Variants in SIRT4 observed in about 807,000 individuals in gnomAD.
SIRT4 encodes NAD-dependent protein lipoamidase sirtuin-4, mitochondrial.
In SIRT4, 23 loss-of-function variants were observed where a neutral mutation model predicts 26.1. The observed-to-expected ratio is 0.88, with a 90% confidence interval of 0.63 to 1.25. SIRT4 has a LOEUF of 1.25. Ranked by LOEUF, SIRT4 falls within the 50% of genes most tolerant of loss-of-function variation. SIRT4 has a pLI of 0.00. For synonymous variants in SIRT4, 155 were observed against 158.4 expected, an observed-to-expected ratio of 0.98 and a Z score of 0.16; for missense variants, 361 against 405.4, an observed-to-expected ratio of 0.89 and a Z score of 0.94.
chr12:120,312,306 TAGAA>T (rs1873010604), intron 2 of SIRT4, 146 bp from the exon 3 acceptor site: 3 of 781,954 alleles, frequency 3.8e-6, no homozygotes, highest in Admixed American at 2.6e-5. Context: ...AAAAATAAAA[TAGAA>T]AGTATGGCTA....
upstream of SIRT4, among the ~76,000 whole-genome samples, chr12:120,298,053 G>C (rs912729947): frequency 2.6e-5 from 4 of 151,346 alleles, no homozygotes; most frequent in African/African-American, 9.7e-5. Flanking sequence ...GGGGGTGGCC[G>C]GGCGCAGTGG....
chr12:120,304,012 A>C lies in SIRT4; in HGVS notation c.451A>C (p.Lys151Gln), dbSNP rs1872647343. 5.0e-6 allele frequency: 8 copies of C among 1,613,020 alleles called. No homozygotes were observed. The highest frequency in any genetic ancestry group is 1.3e-5 in the African/African-American group (1 of 74,910). The change falls in exon 2 of 4, where the codon AAG becomes CAG. Residue 151 changes from lysine (K) to glutamine (Q), a missense_variant. Coordinates refer to ENST00000202967, the MANE Select transcript of SIRT4 (RefSeq NM_012240.3). The part of the protein sequence containing the change: ...VTQNVDALHT[K>Q]AGSRRLTELH... ...CCAAAATGTGGATGCTTTGCACACC[A>C]AGGCGGGGAGTCGGCGCCTGACAGA...
intron 2 of SIRT4, among the ~76,000 whole-genome samples, chr12:120,304,827 A>T (rs1592896885): frequency 9.6e-6 from 1 of 104,242 alleles, no homozygotes; most frequent in Non-Finnish European, 1.8e-5. Context: ...ATATATATAT[A>T]TATATATATT....
the SIRT4 span, among the ~76,000 whole-genome samples, chr12:120,292,646 A>G: frequency 1.3e-5 from 2 of 151,988 alleles, no homozygotes; most frequent in East Asian, 3.9e-4. Flanking sequence ...CCAGCTGGCA[A>G]GAAAAGTCAA....
chr12:120,310,359 C>T (rs1872912587), intron 2 of SIRT4, among the ~76,000 whole-genome samples: 1 of 151,994 alleles, frequency 6.6e-6, no homozygotes. Context: ...GAGCAAGACC[C>T]CGTCTCAAAA....
chr12:120,292,929 A>G, the SIRT4 span, among the ~76,000 whole-genome samples: 1 of 152,348 alleles, frequency 6.6e-6, no homozygotes, highest in African/African-American at 2.4e-5. Flanking sequence ...CATAAACGCA[A>G]ATCACTAAAA....
chr12:120,293,030 C>G, the SIRT4 span: 4 of 150,436 alleles, frequency 2.7e-5, no homozygotes, highest in Non-Finnish European at 5.9e-5. Flanking sequence ...ACTCTTCAAC[C>G]TCCCAAAACC....
rs752765477 is a variant in SIRT4 at position 120,303,911 on chromosome 12, C to T, written c.350C>T (p.Ser117Phe). Residue 117 changes from serine to phenylalanine, a missense_variant, in exon 2 of 4, where the codon TCC becomes TTC. Ser to Phe is a radical substitution (Grantham distance 155). Coordinates refer to ENST00000202967, the MANE Select transcript of SIRT4 (RefSeq NM_012240.3). ...AACTTCGTAGGCTGGCCTCAATTCT[C>T]CTCCCACCAGCCTAACCCTGCACAC... The part of the protein sequence containing the change: ...ARNFVGWPQF[S>F]SHQPNPAHWA... The T allele has an allele frequency of 1.2e-6, 2 of 1,614,188 alleles. No individual in the cohort carries two copies. Among genetic ancestry groups the T allele is most frequent in the South Asian group, 1.1e-5 (1 of 91,080 alleles).
chr12:120,309,982 G>T (rs1872896764), intron 2 of SIRT4, among the ~76,000 whole-genome samples: 1 of 151,986 alleles, frequency 6.6e-6, no homozygotes, highest in Non-Finnish European at 1.5e-5. Context: ...CTCCCAAATT[G>T]CTGGGATTAC....
the SIRT4 span, among the ~76,000 whole-genome samples, chr12:120,295,744 G>T: frequency 1.3e-5 from 2 of 151,782 alleles, no homozygotes; most frequent in African/African-American, 4.8e-5. Flanking sequence ...TTTTCCTTCA[G>T]GATGTAGAAA....
Position 120,312,957 on chromosome 12 carries a change from C to A in SIRT4, c.866C>A (p.Pro289His). The change falls in exon 4 of 4, where the codon CCC becomes CAC. Residue 289 changes from proline (P) to histidine (H), a missense_variant. Pro to His is a moderately conservative substitution (Grantham distance 77). Transcript: ENST00000202967. ...KLPIAILNIG[P>H]TRSDDLACLK... ...CCGATTGCAATACTGAACATTGGGC[C>A]CACACGGTCGGATGACTTGGCGTGT... The A allele has an allele frequency of 1.2e-6, 2 of 1,614,136 alleles. No individual in the cohort carries two copies. Among genetic ancestry groups the A allele is most frequent in the Non-Finnish European group, 1.7e-6 (2 of 1,180,046 alleles).
chr12:120,303,636 GA>G lies in SIRT4; in HGVS notation c.78del (p.Ala27ProfsTer33), dbSNP rs1566462678. Reference protein sequence around the residue: ...WIANPSQPCSKASIGLFVPAS... With the variant: ...WIANPSQPCSXASIGLFVPAS... ...TCGCAAACCCCAGCCAGCCGTGCTCGAAAGCCTCCATTGGGTTATTTGTGCC... is the reference window on the plus strand; with the variant it reads ...TCGCAAACCCCAGCCAGCCGTGCTCGAAGCCTCCATTGGGTTATTTGTGCC... On this transcript the variant is annotated frameshift_variant, in exon 2 of 4. Transcript: ENST00000202967. LOFTEE classifies it high-confidence loss of function. 3 of 1,614,090 alleles carry G rather than the reference GA, an allele frequency of 1.9e-6. No homozygotes were observed. In the South Asian group the frequency reaches 3.3e-5, roughly 18 times the overall value.
At chr12:120,303,528 CCA>C in intron 1 of SIRT4, 31 bp from the exon 2 acceptor site, 1 of 1,548,388 alleles carries the variant, frequency 6.5e-7, no homozygotes, top group Non-Finnish European at 8.7e-7. Flanking sequence ...AAAAACCACC[CCA>C]GTTTCTCACA....
At chr12:120,300,900 T>C (rs1206050681), upstream of SIRT4, among the ~76,000 whole-genome samples, 1 of 152,138 alleles carries the variant, frequency 6.6e-6, no homozygotes, top group Non-Finnish European at 1.5e-5. Context: ...TAGGAACAAT[T>C]AGGAAATTTG....
intron 2 of SIRT4, 123 bp from the exon 3 acceptor site, chr12:120,312,333 G>A: frequency 1.1e-6 from 1 of 885,148 alleles, no homozygotes; most frequent in Non-Finnish European, 1.8e-6. Context: ...ATGGGGTGGG[G>A]ATTGTGTGTT....
intron 1 of SIRT4, among the ~76,000 whole-genome samples, 152 bp from the exon 2 acceptor site, chr12:120,303,409 C>T (rs1279910282): frequency 3.3e-5 from 5 of 151,264 alleles, no homozygotes; most frequent in South Asian, 2.1e-4. Flanking sequence ...CGGGAGGCGG[C>T]GGTTACAGTG....
intron 1 of SIRT4, among the ~76,000 whole-genome samples, chr12:120,302,701 G>A (rs1872588412): frequency 6.6e-6 from 1 of 151,076 alleles, no homozygotes; most frequent in African/African-American, 2.4e-5. Flanking sequence ...CAAATAATAT[G>A]TCAAAGTTTT....
chr12:120,312,821 G>A, intron 3 of SIRT4, 63 bp from the exon 4 acceptor site: 4 of 1,608,642 alleles, frequency 2.5e-6, no homozygotes, highest in South Asian at 1.1e-5. Context: ...CACCCTGTTT[G>A]GTTTAACTTT....
chr12:120,295,760 T>C, the SIRT4 span, among the ~76,000 whole-genome samples: 1 of 151,828 alleles, frequency 6.6e-6, no homozygotes, highest in African/African-American at 2.4e-5. Flanking sequence ...AGAAAGCTAT[T>C]AGAAACCTAC....
Sources: allele counts gnomAD v4.1 joint callset (sites outside exome capture counted in the v4.1 genomes callset), GRCh38; gene constraint gnomAD v4.1.1; transcripts MANE v1.5; gene names NCBI Gene and HGNC (gene_info 2026-07-23, HGNC 2026-07-21).